NRXN3: variants seen among roughly 807,000 people sequenced by gnomAD.
The protein encoded by NRXN3 is neurexin 3, also known as neurexin III.
NRXN3 carries 32 observed loss-of-function variants against 137.6 expected under a neutral mutation model. The observed-to-expected ratio is 0.23, with a 90% CI of 0.18 to 0.31. The LOEUF (loss-of-function observed/expected upper bound fraction) is 0.31, where lower values mean the gene tolerates loss of function less well. NRXN3 is among the 10% of genes least tolerant of loss of function. NRXN3 has a pLI of 1.00. For missense variants in NRXN3, 1,574 were observed against 2,062.5 expected, an observed-to-expected ratio of 0.76 and a Z score of 4.59; for synonymous variants, 798 against 784.5, an observed-to-expected ratio of 1.02 and a Z score of -0.29.
In NRXN3 at chr14:79,580,163, C is replaced by T. The variant is rs1204695498; in HGVS notation, c.3445-83615C>T. ...CCAAATAGTATTCATATATATATCA[C>T]ATATTTTCCTTATCCTTGCATCTAT... On this transcript the variant is annotated intron_variant, in intron 16 of 20. Transcript: ENST00000335750. Among the ~76,000 whole-genome samples the T allele has an allele frequency of 5.3e-5, 8 of 152,258 alleles. No homozygotes were observed. The East Asian group carries it at 9.7e-4, about 18-fold the overall frequency.
chr14:78,746,443 A>G (rs1270121509), intron 8 of NRXN3, among the ~76,000 whole-genome samples: 1 of 152,182 alleles, frequency 6.6e-6, no homozygotes, highest in Non-Finnish European at 1.5e-5. Context: ...AGTTCTTACA[A>G]TGGAGCTATT....
In NRXN3 at chr14:79,425,867, T is replaced by C. The variant is rs552901146; in HGVS notation, c.3263-41354T>C. Among the ~76,000 whole-genome samples, 4 of 152,324 alleles carry C rather than the reference T, an allele frequency of 2.6e-5. No individual in the cohort carries two copies. In the South Asian group the frequency reaches 8.3e-4, roughly 32 times the overall value. On this transcript the variant is annotated intron_variant, in intron 15 of 20. Transcript: ENST00000335750. ...AGACCCTAGGCCTCTATTTCTGGTCTAGAGCTCTTTCATCATTTCCAGGCT... is the reference window on the plus strand; with the variant it reads ...AGACCCTAGGCCTCTATTTCTGGTCCAGAGCTCTTTCATCATTTCCAGGCT...
chr14:79,647,373 A>G (rs1005082028), intron 16 of NRXN3, among the ~76,000 whole-genome samples: 1 of 135,788 alleles, frequency 7.4e-6, no homozygotes. Flanking sequence ...TTTCCATGTA[A>G]TTTAAATGTA....
chr14:79,708,527 T>A (rs1261396648), intron 19 of NRXN3, among the ~76,000 whole-genome samples: 1 of 151,900 alleles, frequency 6.6e-6, no homozygotes, highest in East Asian at 1.9e-4. Flanking sequence ...ATATATGATG[T>A]TCTATTTATA....
At chr14:79,612,575 A>T (rs1603066114) in intron 16 of NRXN3, among the ~76,000 whole-genome samples, 1 of 152,204 alleles carries the variant, frequency 6.6e-6, no homozygotes, top group Admixed American at 6.5e-5. Context: ...CCAACAAGCC[A>T]CCATGGCTCA....
intron 15 of NRXN3, among the ~76,000 whole-genome samples, chr14:79,071,943 A>C (rs1478241533): frequency 6.6e-6 from 1 of 152,170 alleles, no homozygotes; most frequent in Non-Finnish European, 1.5e-5. Context: ...AAATATGTAC[A>C]CCTACTATGT....
intron 1 of NRXN3, among the ~76,000 whole-genome samples, chr14:78,213,121 G>A (rs759432925): frequency 2.0e-5 from 3 of 152,184 alleles, no homozygotes; most frequent in African/African-American, 7.2e-5. Flanking sequence ...GAAACAAATA[G>A]TTCTTGATAG....
rs546580630 is a variant in NRXN3 at position 78,607,790 on chromosome 14, T to C, written c.758-37330T>C. Among the ~76,000 whole-genome samples the C allele has an allele frequency of 1.7e-4, 26 of 152,288 alleles. No homozygotes were observed. The South Asian group carries it at 4.8e-3, about 28-fold the overall frequency. On this transcript the variant is annotated intron_variant, in intron 4 of 20. Coordinates refer to ENST00000335750, the MANE Select transcript of NRXN3 (RefSeq NM_001330195.2). ...CTGTGGATGTGTGTGTGTGTCTACT[T>C]AAAGAAATGGCAGTCTATCCCTCTT...
chr14:78,304,957 C>A (rs2077215127), intron 4 of NRXN3, among the ~76,000 whole-genome samples: 1 of 152,212 alleles, frequency 6.6e-6, no homozygotes, highest in African/African-American at 2.4e-5. Context: ...TGAACACACA[C>A]ACACCTGCGT....
At chr14:78,484,513 TTC>T (rs1227230434) in intron 4 of NRXN3, among the ~76,000 whole-genome samples, 2 of 152,144 alleles carry the variant, frequency 1.3e-5, no homozygotes, top group African/African-American at 4.8e-5. Flanking sequence ...ACTGGATAGT[TTC>T]TTTTTTTCTG....
In NRXN3 at chr14:79,332,623, C is replaced by G. The variant is rs939731517; in HGVS notation, c.3263-134598C>G. Reference sequence around the variant, plus strand: ...TATGTTCTGGGAAACTTTCTCTAAACGGACTCAAACATTTCTTCTTCTGGG... The same window carrying G: ...TATGTTCTGGGAAACTTTCTCTAAAGGGACTCAAACATTTCTTCTTCTGGG... On this transcript the variant is annotated intron_variant, in intron 15 of 20. Transcript: ENST00000335750. Among the ~76,000 whole-genome samples, 3 of 152,178 alleles carry G rather than the reference C, an allele frequency of 2.0e-5. No homozygotes were observed. In the East Asian group the frequency reaches 5.8e-4, roughly 29 times the overall value.
In NRXN3 at chr14:78,847,319, A is replaced by T. The variant is rs374315207; in HGVS notation, c.2275+36975A>T. ...TGCCACGGCTTGTGACTGAATTATA[A>T]ACCATGAAGCATAATAAAGTCATTA... On this transcript the variant is annotated intron_variant, in intron 10 of 20. Transcript: ENST00000335750. Among the ~76,000 whole-genome samples the T allele has an allele frequency of 4.2e-4, 64 of 152,256 alleles. 4 individuals are homozygous for T. The South Asian group carries it at 0.013, about 32-fold the overall frequency.
intron 4 of NRXN3, among the ~76,000 whole-genome samples, chr14:78,478,953 T>G (rs990471672): frequency 1.3e-5 from 2 of 152,226 alleles, no homozygotes. Flanking sequence ...TGCAGAGATG[T>G]GTTAGTTGTC....
chr14:79,139,116 G>A (rs1372922864), intron 15 of NRXN3, among the ~76,000 whole-genome samples: 1 of 152,202 alleles, frequency 6.6e-6, no homozygotes, highest in Non-Finnish European at 1.5e-5. Flanking sequence ...CTTTGAATGA[G>A]TAATGACAGA....
intron 18 of NRXN3, among the ~76,000 whole-genome samples, chr14:79,695,446 A>C (rs1171997425): frequency 2.6e-5 from 4 of 152,094 alleles, no homozygotes; most frequent in East Asian, 1.9e-4. Context: ...GTGTGCATGG[A>C]AAGTATCTCT....
chr14:79,353,388 T>A (rs573484900), intron 15 of NRXN3, among the ~76,000 whole-genome samples: 1 of 152,204 alleles, frequency 6.6e-6, no homozygotes, highest in East Asian at 1.9e-4. Context: ...TATGCTGAGC[T>A]TCCTCTTGCC....
intron 10 of NRXN3, among the ~76,000 whole-genome samples, chr14:78,845,945 T>G (rs2099025752): frequency 6.6e-6 from 1 of 151,804 alleles, no homozygotes; most frequent in Non-Finnish European, 1.5e-5. Flanking sequence ...TGTATGTGTG[T>G]GTATAAAAGA....
intron 16 of NRXN3, among the ~76,000 whole-genome samples, chr14:79,637,729 C>CTTTTTTTTTTTCTTTTTTTTTTTTT (rs2098411978): frequency 1.0e-5 from 1 of 95,622 alleles, no homozygotes; most frequent in Non-Finnish European, 2.0e-5. Flanking sequence ...TAGAAAAGTT[C>CTTTTTTTTTTTCTTTTTTTTTTTTT]TTTTTTTTTT....
chr14:79,722,319 C>CA (rs1009279284), intron 19 of NRXN3, among the ~76,000 whole-genome samples: 2 of 152,014 alleles, frequency 1.3e-5, no homozygotes, highest in African/African-American at 4.8e-5. Context: ...TATGAGTAAG[C>CA]AAGCCCTAGC....
Sources: gnomAD v4.1 joint callset for allele counts (sites outside exome capture counted in the v4.1 genomes callset) on GRCh38, gnomAD v4.1.1 for gene constraint, MANE v1.5 for transcripts, NCBI Gene and HGNC (gene_info 2026-07-23, HGNC 2026-07-21) for gene names.